DST: variants seen among roughly 807,000 people sequenced by gnomAD.
DST encodes bullous pemphigoid antigen.
In DST, 253 loss-of-function variants were observed where a neutral mutation model predicts 875.2. The observed-to-expected ratio is 0.29, with a 90% CI of 0.26 to 0.32. The LOEUF (loss-of-function observed/expected upper bound fraction) is 0.32. Ranked by LOEUF, DST falls within the 10% of genes least tolerant of loss-of-function variation. The pLI is 1.00. For missense variants in DST, 8,287 were observed against 9,111.6 expected (o/e 0.91, Z 3.68); for synonymous variants, 3,124 against 3,197.1 (o/e 0.98, Z 0.77).
intron 37 of DST, among the ~76,000 whole-genome samples, chr6:56,613,531 AG>A (rs2098569589): frequency 6.6e-6 from 1 of 152,216 alleles, no homozygotes; most frequent in East Asian, 1.9e-4. Flanking sequence ...ATTGGATGAT[AG>A]CCTTGAAATT....
Position 56,607,013 on chromosome 6 carries a change from G to A in DST, c.7615C>T (p.Pro2539Ser), listed in dbSNP as rs189168657. Residue 2539 changes from proline (P) to serine (S), a missense_variant, in exon 40 of 104, where the codon CCA (proline) becomes TCA (serine). Physicochemically the swap from Pro to Ser is moderately conservative, Grantham distance 74. This residue lies in a region of DST where 3,138 missense variants were observed against 3,116.6 expected (regional missense o/e 1.01). Coordinates refer to ENST00000680361, the MANE Select transcript of DST (RefSeq NM_001374736.1). Reference sequence around the variant, plus strand: ...TCTTCAGGCATCTGCTGAAAACCTGGATGTGTTTTTTCATCCTCACCAGAA... The same window carrying A: ...TCTTCAGGCATCTGCTGAAAACCTGAATGTGTTTTTTCATCCTCACCAGAA... The part of the protein sequence containing the change: ...NTSGEDEKTH[P>S]GFQQMPEDKE... 6.2e-7 allele frequency: 1 copy of A among 1,613,360 alleles called. No homozygotes were observed. The highest frequency in any genetic ancestry group is 2.2e-5 in the East Asian group (1 of 44,870).
chr6:56,716,195 CAATAAAAATA>C (rs1200966534), intron 5 of DST, among the ~76,000 whole-genome samples: 1 of 151,916 alleles, frequency 6.6e-6, no homozygotes, highest in East Asian at 1.9e-4. Flanking sequence ...AAAACACTTT[CAATAAAAATA>C]GATATATAGA....
chr6:56,633,938 C>T (rs2152764488), intron 27 of DST, among the ~76,000 whole-genome samples, 194 bp downstream of exon 27: 1 of 152,258 alleles, frequency 6.6e-6, no homozygotes, highest in East Asian at 1.9e-4. Context: ...AATTTGTGAT[C>T]TCCAGATTTC....
At chr6:56,744,945 C>T (rs565294077) in intron 4 of DST, among the ~76,000 whole-genome samples, 2 of 152,274 alleles carry the variant, frequency 1.3e-5, no homozygotes, top group South Asian at 2.1e-4. Flanking sequence ...TTAGTATAGA[C>T]GTACAACTGA....
intron 38 of DST, among the ~76,000 whole-genome samples, chr6:56,610,813 A>T (rs1429905041): frequency 6.6e-6 from 1 of 152,194 alleles, no homozygotes; most frequent in African/African-American, 2.4e-5. Context: ...TTAACATACA[A>T]AATTCCAAAA....
At chr6:56,677,547 T>C (rs994125409) in intron 9 of DST, among the ~76,000 whole-genome samples, 5 of 152,196 alleles carry the variant, frequency 3.3e-5, no homozygotes, top group African/African-American at 1.2e-4. Flanking sequence ...TGGCTTCAAG[T>C]GATCCTCCCA....
chr6:56,693,571 TGA>T (rs1438175118), intron 9 of DST: 9 of 223,014 alleles, frequency 4.0e-5, no homozygotes, highest in Admixed American at 2.0e-4. Context: ...GTTCAACGAA[TGA>T]GAGCAAAAAG....
rs1227216403 is a variant in DST at position 56,645,919 on chromosome 6, T to A, written c.1725A>T (p.Lys575Asn). 1 of 1,613,624 alleles carries A rather than the reference T, an allele frequency of 6.2e-7. No individual in the cohort carries two copies. Among genetic ancestry groups the A allele is most frequent in the Non-Finnish European group, 8.5e-7 (1 of 1,179,754 alleles). The change falls in exon 15 of 104, where the codon AAA (lysine) becomes AAT (asparagine). Residue 575 changes from lysine to asparagine, a missense_variant. Coordinates refer to ENST00000680361, the MANE Select transcript of DST (RefSeq NM_001374736.1). ...HPNDIEKEWG[K>N]LIIAMLEREK... ...CTCTCTCTAGCATGGCAATAATGAG[T>A]TTCCCCCACTCTTTTTCTATGTCAT...
In DST at chr6:56,649,946, A is replaced by C. The variant is rs1284580587; in HGVS notation, c.1434+980T>G. Among the ~76,000 whole-genome samples the C allele has an allele frequency of 2.0e-5, 3 of 152,150 alleles. No individual in the cohort carries two copies. The East Asian group carries it at 5.8e-4, about 29-fold the overall frequency. ...CAGCAGGATCAGCATGAAGGTTGGG[A>C]GAAGCAGCAGCAAGAGATGGCCAAA... On this transcript the variant is annotated intron_variant, in intron 12 of 103. Coordinates refer to ENST00000680361, the MANE Select transcript of DST (RefSeq NM_001374736.1).
chr6:56,754,198 A>C (rs1252971981), intron 4 of DST, among the ~76,000 whole-genome samples: 2 of 152,244 alleles, frequency 1.3e-5, no homozygotes, highest in Non-Finnish European at 2.9e-5. Flanking sequence ...CTTATTTATA[A>C]AGTACAACTT....
At chr6:56,857,932 A>C (rs1768819467) in intron 3 of DST, among the ~76,000 whole-genome samples, 1 of 152,234 alleles carries the variant, frequency 6.6e-6, no homozygotes, top group Non-Finnish European at 1.5e-5. Context: ...CTCCTTGAAG[A>C]AAAAATGAGA....
intron 4 of DST, among the ~76,000 whole-genome samples, chr6:56,735,673 T>C (rs368827838): frequency 3.9e-5 from 6 of 152,086 alleles, no homozygotes; most frequent in African/African-American, 1.4e-4. Flanking sequence ...AGAGGAAGGG[T>C]TACTCCCATT....
chr6:56,594,390 T>C (rs1015949762), intron 47 of DST, among the ~76,000 whole-genome samples, 197 bp from the exon 48 acceptor site: 1 of 152,202 alleles, frequency 6.6e-6, no homozygotes, highest in Non-Finnish European at 1.5e-5. Context: ...AGCATGCTAA[T>C]CTTATTTTAA....
intron 4 of DST, chr6:56,742,211 G>T (rs1407594835): frequency 2.7e-6 from 3 of 1,091,666 alleles, no homozygotes; most frequent in East Asian, 1.2e-4. Flanking sequence ...AGCAGGTAGT[G>T]CAACTTTCCC....
chr6:56,708,425 T>C (rs1323398631), intron 5 of DST, among the ~76,000 whole-genome samples: 1 of 152,176 alleles, frequency 6.6e-6, no homozygotes, highest in Non-Finnish European at 1.5e-5. Flanking sequence ...TTAACTTCTA[T>C]AATGCTTGAA....
intron 7 of DST, among the ~76,000 whole-genome samples, chr6:56,702,804 C>T (rs573632667): frequency 6.6e-6 from 1 of 152,022 alleles, no homozygotes; most frequent in Non-Finnish European, 1.5e-5. Context: ...ATAAAATCTT[C>T]CAAAGGTAAA....
intron 10 of DST, among the ~76,000 whole-genome samples, chr6:56,655,274 G>C (rs2099001340): frequency 6.6e-6 from 1 of 150,800 alleles, no homozygotes; most frequent in Non-Finnish European, 1.5e-5. Context: ...CAACATCAAA[G>C]TACTTGGAAA....
intron 2 of DST, chr6:56,945,804 G>C (rs1378167313): frequency 6.6e-6 from 1 of 151,258 alleles, no homozygotes; most frequent in African/African-American, 2.4e-5. Flanking sequence ...GCACAAGGAT[G>C]AAACACTGAA....
intron 63 of DST, among the ~76,000 whole-genome samples, chr6:56,532,815 A>G (rs141168992): frequency 1.3e-5 from 2 of 152,350 alleles, no homozygotes; most frequent in East Asian, 3.9e-4. Flanking sequence ...GATAACTCCA[A>G]TGAATCATGA....
Sources: allele counts gnomAD v4.1 joint callset (sites outside exome capture counted in the v4.1 genomes callset), GRCh38; gene constraint gnomAD v4.1.1; regional missense constraint gnomAD v4.1.1; transcripts MANE v1.5; gene names NCBI Gene and HGNC (gene_info 2026-07-23, HGNC 2026-07-21).